GPC6: variants seen among roughly 807,000 people sequenced by gnomAD.
GPC6 encodes the protein glypican 6.
GPC6 carries 14 observed loss-of-function variants against 55.2 expected under a neutral mutation model. That is an observed-to-expected ratio of 0.25 (90% CI 0.17 to 0.40). The LOEUF is 0.40. Ranked by LOEUF, GPC6 falls within the 10% of genes least tolerant of loss-of-function variation. The probability of loss-of-function intolerance (pLI) is 1.00; values close to 1 mark genes in which losing one functional copy is unlikely to be tolerated. For missense variants in GPC6, 641 were observed against 708.5 expected, an observed-to-expected ratio of 0.90 and a Z score of 1.08; for synonymous variants, 278 against 259.6, an observed-to-expected ratio of 1.07 and a Z score of -0.68.
chr13:94,287,659 G>T (rs920202179), intron 5 of GPC6, among the ~76,000 whole-genome samples: 2 of 152,126 alleles, frequency 1.3e-5, no homozygotes, highest in Non-Finnish European at 2.9e-5. Context: ...AAAGGAGGAT[G>T]CTCCAAATTA....
At chr13:93,846,719 C>A (rs1269740509) in intron 3 of GPC6, among the ~76,000 whole-genome samples, 2 of 152,224 alleles carry the variant, frequency 1.3e-5, no homozygotes, top group South Asian at 4.2e-4. Flanking sequence ...GAGACTGAGG[C>A]AGAAGAATCA....
At chr13:93,414,364 GC>G (rs1876615796) in intron 1 of GPC6, among the ~76,000 whole-genome samples, 1 of 151,966 alleles carries the variant, frequency 6.6e-6, no homozygotes, top group African/African-American at 2.4e-5. Flanking sequence ...CTCATATAGT[GC>G]TTTTGTAGCA....
At chr13:93,876,372 T>A (rs1889297302) in intron 3 of GPC6, among the ~76,000 whole-genome samples, 1 of 152,060 alleles carries the variant, frequency 6.6e-6, no homozygotes, top group Non-Finnish European at 1.5e-5. Flanking sequence ...CTCTTGCTTA[T>A]TTTAAATAAT....
intron 2 of GPC6, among the ~76,000 whole-genome samples, chr13:93,801,241 G>C (rs1886357932): frequency 6.6e-6 from 1 of 152,072 alleles, no homozygotes; most frequent in African/African-American, 2.4e-5. Flanking sequence ...TGTGTCACTG[G>C]GAACAAGTTA....
At chr13:93,352,423 T>C (rs1880662391) in intron 1 of GPC6, among the ~76,000 whole-genome samples, 1 of 152,200 alleles carries the variant, frequency 6.6e-6, no homozygotes, top group African/African-American at 2.4e-5. Flanking sequence ...TTATATGAAG[T>C]ACCTAACATT....
chr13:94,328,710 C>G (rs527242153), intron 6 of GPC6, among the ~76,000 whole-genome samples: 1 of 152,206 alleles, frequency 6.6e-6, no homozygotes, highest in Non-Finnish European at 1.5e-5. Context: ...AGTCACTGCA[C>G]TGAGTATTTC....
At chr13:93,486,328 G>A (rs1879710733) in intron 1 of GPC6, among the ~76,000 whole-genome samples, 1 of 152,140 alleles carries the variant, frequency 6.6e-6, no homozygotes, top group Non-Finnish European at 1.5e-5. Context: ...AGCTCCAAAT[G>A]TTCATGGCCT....
Position 94,072,568 on chromosome 13 carries a change from G to A in GPC6, c.877+44674G>A, listed in dbSNP as rs1387042362. Among the ~76,000 whole-genome samples the A allele has an allele frequency of 6.6e-5, 10 of 152,270 alleles. No individual in the cohort carries two copies. In the South Asian group the frequency reaches 2.1e-3, roughly 32 times the overall value. On this transcript the variant is annotated intron_variant, in intron 4 of 8. Coordinates refer to ENST00000377047, the MANE Select transcript of GPC6 (RefSeq NM_005708.5). ...GGGGTTTCACCATGTTGGCAAGAAT[G>A]GTCTTGATCTCCTGACCTCGTGATC...
At chr13:94,021,633 A>C (rs1882698409) in intron 3 of GPC6, among the ~76,000 whole-genome samples, 1 of 152,076 alleles carries the variant, frequency 6.6e-6, no homozygotes, top group African/African-American at 2.4e-5. Context: ...ATAAAAAAAA[A>C]ATTAGTGAGT....
intron 3 of GPC6, among the ~76,000 whole-genome samples, chr13:94,001,403 T>C (rs555490322): frequency 2.0e-5 from 3 of 152,220 alleles, no homozygotes; most frequent in Non-Finnish European, 4.4e-5. Flanking sequence ...TTTACAATTA[T>C]AAATATCTTG....
chr13:93,951,808 C>G (rs867004198), intron 3 of GPC6, among the ~76,000 whole-genome samples: 1 of 152,022 alleles, frequency 6.6e-6, no homozygotes. Flanking sequence ...TATAAGAGAA[C>G]TTTCACCAGA....
At chr13:93,290,744 C>G (rs1878292486) in intron 1 of GPC6, among the ~76,000 whole-genome samples, 1 of 152,098 alleles carries the variant, frequency 6.6e-6, no homozygotes, top group South Asian at 2.1e-4. Flanking sequence ...AAAAATGAAA[C>G]TTCTGAGAAC....
chr13:94,390,851 G>C (rs577838142), intron 7 of GPC6, among the ~76,000 whole-genome samples: 105 of 150,740 alleles, frequency 7.0e-4, no homozygotes, highest in South Asian at 6.8e-3. Flanking sequence ...TGTCCTGGCA[G>C]GGAGGAAGCT....
chr13:94,074,898 G>C (rs530438788), intron 4 of GPC6, among the ~76,000 whole-genome samples: 1 of 152,152 alleles, frequency 6.6e-6, no homozygotes, highest in Non-Finnish European at 1.5e-5. Context: ...CAATTAACAT[G>C]AGGGAAAATA....
chr13:93,866,791 T>TG (rs1437907792), intron 3 of GPC6, among the ~76,000 whole-genome samples: 1 of 151,718 alleles, frequency 6.6e-6, no homozygotes, highest in Non-Finnish European at 1.5e-5. Flanking sequence ...ACCTGGGTGA[T>TG]GCAATAATCT....
At chr13:93,391,064 G>A (rs1368198120) in intron 1 of GPC6, among the ~76,000 whole-genome samples, 3 of 151,980 alleles carry the variant, frequency 2.0e-5, no homozygotes, top group Non-Finnish European at 4.4e-5. Flanking sequence ...TACCAACTTT[G>A]CTATGTGCTG....
chr13:94,398,575 C>G lies in GPC6; in HGVS notation c.1399C>G (p.Leu467Val). The part of the protein sequence containing the change: ...DTFIRQQIMA[L>V]RVMTNKLKNA... Reference sequence around the variant, plus strand: ...TTTCATCAGACAGCAGATTATGGCTCTCCGTGTGATGACCAACAAACTAAA... The same window carrying G: ...TTTCATCAGACAGCAGATTATGGCTGTCCGTGTGATGACCAACAAACTAAA... The change falls in exon 8 of 9, where the codon CTC becomes GTC. Residue 467 changes from leucine to valine, a missense_variant. Leu to Val is a conservative substitution (Grantham distance 32). Coordinates refer to ENST00000377047, the MANE Select transcript of GPC6 (RefSeq NM_005708.5). 6.2e-7 allele frequency: 1 copy of G among 1,613,944 alleles called. No homozygotes were observed. Among genetic ancestry groups the G allele is most frequent in the Non-Finnish European group, 8.5e-7 (1 of 1,179,818 alleles).
At chr13:94,111,602 T>C (rs1886252819) in intron 4 of GPC6, among the ~76,000 whole-genome samples, 1 of 151,970 alleles carries the variant, frequency 6.6e-6, no homozygotes, top group African/African-American at 2.4e-5. Context: ...TGAATTATTC[T>C]CTGATTTCTT....
intron 1 of GPC6, among the ~76,000 whole-genome samples, chr13:93,275,009 A>G (rs1307586728): frequency 1.3e-5 from 2 of 152,208 alleles, no homozygotes; most frequent in Non-Finnish European, 2.9e-5. Context: ...ACAAGATTAC[A>G]TATCAAAAAT....
Sources: allele counts gnomAD v4.1 joint callset (sites outside exome capture counted in the v4.1 genomes callset), GRCh38; gene constraint gnomAD v4.1.1; transcripts MANE v1.5; gene names NCBI Gene and HGNC (gene_info 2026-07-23, HGNC 2026-07-21).